Variants in ST18 observed in about 807,000 individuals in gnomAD.
The protein encoded by ST18 is suppression of tumorigenicity 18 protein.
Under a neutral mutation model 110.0 loss-of-function variants are expected in ST18, and 50 were observed. That is an observed-to-expected ratio of 0.45 (90% CI 0.36 to 0.58). The LOEUF (loss-of-function observed/expected upper bound fraction) is 0.58, where lower values mean the gene tolerates loss of function less well. Among genes scored for constraint, ST18 ranks in the 20% least tolerant of loss-of-function variants. ST18 has a pLI of 0.00. For synonymous variants in ST18, 461 were observed against 452.4 expected (o/e 1.02, Z -0.24); for missense variants, 1,306 against 1,280.1 (o/e 1.02, Z -0.31).
At chr8:52,357,624 A>G (rs1462319874) in intron 2 of ST18, among the ~76,000 whole-genome samples, 1 of 144,884 alleles carries the variant, frequency 6.9e-6, no homozygotes, top group East Asian at 2.0e-4. Context: ...TCCATCATGA[A>G]GATATAACAA....
At position 52,145,929 on chromosome 8, in the gene ST18, AT is replaced by A. The variant is rs1375347100; in HGVS notation, c.2053-2885del. 3.3e-5 allele frequency among the ~76,000 whole-genome samples: 5 copies of A among 152,160 alleles called. 1 individual carries two copies. In the East Asian group the frequency reaches 9.6e-4, roughly 29 times the overall value. ...TTTTGAGTTTTTTCCAGATTCAGGA[AT>A]TTTTTTTAGGGGGCATCTGGACAGG... is the stretch of plus-strand genomic sequence containing the variant. On this transcript the variant is annotated intron_variant, in intron 16 of 25. Transcript: ENST00000689386.
chr8:52,201,396 CCT>C (rs1481218934), intron 8 of ST18: 1 of 152,188 alleles, frequency 6.6e-6, no homozygotes, highest in Non-Finnish European at 1.5e-5. Context: ...CAGAATTTAC[CCT>C]GAGCCTCGAC....
At chr8:52,191,886 C>T (rs2074619870) in intron 8 of ST18, among the ~76,000 whole-genome samples, 1 of 152,110 alleles carries the variant, frequency 6.6e-6, no homozygotes, top group Non-Finnish European at 1.5e-5. Context: ...AACAGGAGGT[C>T]TGAGGAAGAG....
At position 52,315,264 on chromosome 8, in the gene ST18, G is replaced by C. The variant is rs145305009; in HGVS notation, c.-464-85187C>G. ...CATGGTGATCCTCTCTTCTGATGTG[G>C]TATAAAATAGAAGAGGCTATTTATT... On this transcript the variant is annotated intron_variant, in intron 2 of 25. Transcript: ENST00000689386. Among the ~76,000 whole-genome samples, 6 of 152,228 alleles carry C rather than the reference G, an allele frequency of 3.9e-5. No homozygotes were observed. In the East Asian group the frequency reaches 1.2e-3, roughly 29 times the overall value.
chr8:52,118,031 C>T (rs1188507930), intron 24 of ST18, among the ~76,000 whole-genome samples: 2 of 152,150 alleles, frequency 1.3e-5, no homozygotes, highest in African/African-American at 4.8e-5. Context: ...TCTTACCTTT[C>T]CATCACATTT....
chr8:52,234,546 G>A (rs968952589), intron 2 of ST18, among the ~76,000 whole-genome samples: 1 of 151,900 alleles, frequency 6.6e-6, no homozygotes, highest in Admixed American at 6.6e-5. Context: ...GACCCACCAC[G>A]CCCTGCCAGA....
intron 2 of ST18, among the ~76,000 whole-genome samples, chr8:52,316,575 G>A (rs897619895): frequency 1.3e-5 from 2 of 152,164 alleles, no homozygotes; most frequent in Admixed American, 6.5e-5. Flanking sequence ...AAGGATGATG[G>A]TTATTTTGGT....
In ST18 at chr8:52,161,540, T is replaced by G. The variant is rs776214591; in HGVS notation, c.1429A>C (p.Asn477His). ...GAGGTGATGGCTTGTGACGGGAAAT[T>G]GAATTCAATTTGCTTCACCAAACTT... Reference protein sequence around the residue: ...RTSLVKQIEFNFPSQAITSPR... With the variant: ...RTSLVKQIEFHFPSQAITSPR... The change falls in exon 14 of 26, where the codon AAT (asparagine) becomes CAT (histidine). Residue 477 changes from asparagine to histidine, a missense_variant. By Grantham distance (68) the Asn-to-His change is moderately conservative (BLOSUM62 1). Coordinates refer to ENST00000689386, the MANE Select transcript of ST18 (RefSeq NM_001352837.2). 6.2e-7 allele frequency: 1 copy of G among 1,614,192 alleles called. No individual in the cohort carries two copies. The highest frequency in any genetic ancestry group is 8.5e-7 in the Non-Finnish European group (1 of 1,180,028).
chr8:52,222,016 G>C (rs2086948394), intron 3 of ST18: 1 of 151,886 alleles, frequency 6.6e-6, no homozygotes, highest in South Asian at 2.1e-4. Context: ...CCCTTTGTTT[G>C]CCATACACTA....
At chr8:52,294,597 A>G (rs998562226) in intron 2 of ST18, 1 of 152,260 alleles carries the variant, frequency 6.6e-6, no homozygotes, top group Admixed American at 6.5e-5. Context: ...CTCCCTGACG[A>G]TATTATTAGA....
chr8:52,302,287 A>G (rs1204885827), intron 2 of ST18, among the ~76,000 whole-genome samples: 1 of 152,174 alleles, frequency 6.6e-6, no homozygotes, highest in Non-Finnish European at 1.5e-5. Context: ...ATTAAACTAA[A>G]CCTTCAGGTG....
At chr8:52,336,400 C>T (rs1359986449) in intron 2 of ST18, among the ~76,000 whole-genome samples, 1 of 152,156 alleles carries the variant, frequency 6.6e-6, no homozygotes, top group African/African-American at 2.4e-5. Flanking sequence ...ATCTGCCCAC[C>T]TTGGCCTCTC....
chr8:52,371,044 G>A (rs752559381), intron 2 of ST18, among the ~76,000 whole-genome samples: 2 of 152,142 alleles, frequency 1.3e-5, no homozygotes, highest in Non-Finnish European at 2.9e-5. Context: ...CTGCTACTAT[G>A]TATATAAACT....
At chr8:52,133,179 A>G (rs1248929482) in intron 20 of ST18, 42 bp from the exon 21 acceptor site, 3 of 1,614,174 alleles carry the variant, frequency 1.9e-6, no homozygotes, top group East Asian at 4.5e-5. Context: ...AAATTATGTG[A>G]TCTCTCTGAC....
rs761874292 is a variant in ST18 at position 52,214,221 on chromosome 8, G to C, written c.37C>G (p.Arg13Gly). The C allele has an allele frequency of 2.1e-5, 34 of 1,613,912 alleles. No individual in the cohort carries two copies. Among genetic ancestry groups the C allele is most frequent in the Non-Finnish European group, 1.7e-6 (2 of 1,179,986 alleles). ...AEAEDKTLRT[R>G]SKGTEVPMDS... The stretch of plus-strand genomic sequence containing the variant: ...AACTCACCCTCGGTTCCTTTAGAGC[G>C]AGTACGCAGCGTTTTATCTTCAGCC... Residue 13 changes from arginine (R) to glycine (G), a missense_variant, in exon 7 of 26, where the codon CGC (arginine) becomes GGC (glycine). Physicochemically the swap from Arg to Gly is moderately radical, Grantham distance 125 (BLOSUM62 -2). Coordinates refer to ENST00000689386, the MANE Select transcript of ST18 (RefSeq NM_001352837.2).
intron 2 of ST18, among the ~76,000 whole-genome samples, chr8:52,259,569 C>T (rs1386989540): frequency 6.6e-6 from 1 of 152,054 alleles, no homozygotes; most frequent in Non-Finnish European, 1.5e-5. Context: ...AAATGATTCC[C>T]TGTTATAATG....
intron 16 of ST18, among the ~76,000 whole-genome samples, chr8:52,148,355 C>T (rs1007187489): frequency 1.3e-5 from 2 of 152,172 alleles, no homozygotes; most frequent in African/African-American, 2.4e-5. Context: ...TGTGAATCCC[C>T]TCATCCTTCC....
chr8:52,384,952 C>A, intron 2 of ST18, among the ~76,000 whole-genome samples: 1 of 152,192 alleles, frequency 6.6e-6, no homozygotes, highest in Non-Finnish European at 1.5e-5. Flanking sequence ...ATCGGCAGCA[C>A]TTACAGTCAG....
intron 2 of ST18, among the ~76,000 whole-genome samples, chr8:52,280,652 T>C (rs1416502446): frequency 6.6e-6 from 1 of 152,104 alleles, no homozygotes; most frequent in Non-Finnish European, 1.5e-5. Flanking sequence ...TATTTTATAA[T>C]GACAAAATTT....
Sources: allele counts gnomAD v4.1 joint callset (sites outside exome capture counted in the v4.1 genomes callset), GRCh38; gene constraint gnomAD v4.1.1; transcripts MANE v1.5; gene names NCBI Gene and HGNC (gene_info 2026-07-23, HGNC 2026-07-21).